Variants in TENT4A observed in about 807,000 individuals in gnomAD.
The protein encoded by TENT4A is DNA polymerase kappa.
TENT4A carries 7 observed loss-of-function variants against 72.8 expected under a neutral mutation model. The ratio of observed to expected loss-of-function variants is 0.10; its 90% CI spans 0.05 to 0.18. The LOEUF (loss-of-function observed/expected upper bound fraction) is 0.18. Ranked by LOEUF, TENT4A falls within the 10% of genes least tolerant of loss-of-function variation. TENT4A has a pLI of 1.00. For missense variants in TENT4A, 831 were observed against 1,017.7 expected (o/e 0.82, Z 2.50); for synonymous variants, 456 against 434.3 (o/e 1.05, Z -0.62).
Position 6,714,480 on chromosome 5 carries a change from A to ACCCCGGGCCGCGCGG in TENT4A, c.503_517dup (p.Gly168_Pro172dup), listed in dbSNP as rs1740258076. On this transcript the variant is annotated inframe_insertion, in exon 1 of 13. Transcript: ENST00000230859. ...AGCGCCCCTGGCACAGCCAACGGGC[A>ACCCCGGGCCGCGCGG]CCCCGGGCCGCGCGGCCCCGCGCCC... The ACCCCGGGCCGCGCGG allele has an allele frequency of 8.5e-7, 1 of 1,179,366 alleles. No homozygotes were observed. Among genetic ancestry groups the ACCCCGGGCCGCGCGG allele is most frequent in the Non-Finnish European group, 1.0e-6 (1 of 955,496 alleles). 73.1% of individuals were successfully genotyped at this position (1,179,366 alleles called of 1,614,324 possible). A position where few individuals can be genotyped will look rare whatever the true frequency, so the allele number is the denominator to read the frequency against.
chr5:6,734,042 A>G (rs937318239), intron 1 of TENT4A, among the ~76,000 whole-genome samples: 2 of 152,248 alleles, frequency 1.3e-5, no homozygotes, highest in Non-Finnish European at 2.9e-5. Flanking sequence ...CAGCAATGAC[A>G]AGGTCAGCAA....
chr5:6,747,409 C>T (rs1016608321), intron 7 of TENT4A, among the ~76,000 whole-genome samples: 17 of 152,024 alleles, frequency 1.1e-4, no homozygotes, highest in African/African-American at 3.9e-4. Flanking sequence ...TTTTTTTATT[C>T]AGCTCCTATA....
chr5:6,747,066 G>T (rs28381398), intron 7 of TENT4A, among the ~76,000 whole-genome samples: 2 of 152,356 alleles, frequency 1.3e-5, no homozygotes, highest in South Asian at 4.1e-4. Flanking sequence ...ATAAAACCAT[G>T]TGTTAACGCT....
chr5:6,733,051 T>G (rs1741288598), intron 1 of TENT4A, among the ~76,000 whole-genome samples: 1 of 152,222 alleles, frequency 6.6e-6, no homozygotes, highest in Non-Finnish European at 1.5e-5. Context: ...GTTGTGTCCT[T>G]TGGCCCCACC....
chr5:6,734,904 T>G (rs184533432), intron 1 of TENT4A, among the ~76,000 whole-genome samples: 4 of 152,344 alleles, frequency 2.6e-5, no homozygotes, highest in Non-Finnish European at 4.4e-5. Flanking sequence ...ATTTTGTGTG[T>G]CTAAGGCAGA....
In TENT4A at chr5:6,719,175, CAAGGT is replaced by C. The variant is rs531363214; in HGVS notation, c.716+4479_716+4483del. Among the ~76,000 whole-genome samples the C allele has an allele frequency of 2.2e-4, 33 of 152,222 alleles. 1 individual carries two copies. The South Asian group carries it at 6.8e-3, about 32-fold the overall frequency. On this transcript the variant is annotated intron_variant, in intron 1 of 12. Transcript: ENST00000230859. ...GTAAAAAGTTCTAAGATTTGTGTCTCAAGGTAAAGTCTCAAACGTTCTTTGGTCAC... is the reference window on the plus strand; with the variant it reads ...GTAAAAAGTTCTAAGATTTGTGTCTCAAAGTCTCAAACGTTCTTTGGTCAC...
intron 1 of TENT4A, among the ~76,000 whole-genome samples, chr5:6,722,254 T>A (rs1038148265): frequency 5.9e-5 from 9 of 152,196 alleles, no homozygotes; most frequent in African/African-American, 1.9e-4. Context: ...CTGTGAGTTG[T>A]CATGCGAGAG....
chr5:6,715,171 T>C (rs1383748606), intron 1 of TENT4A: 1 of 152,276 alleles, frequency 6.6e-6, no homozygotes, highest in Non-Finnish European at 1.5e-5. Context: ...AACTGTCAAC[T>C]TAGAGGTGAT....
At chr5:6,733,074 T>C (rs1741289979) in intron 1 of TENT4A, among the ~76,000 whole-genome samples, 1 of 152,226 alleles carries the variant, frequency 6.6e-6, no homozygotes, top group South Asian at 2.1e-4. Flanking sequence ...AGTTTGTCCG[T>C]TTAGCTCCTC....
At chr5:6,753,997 TG>T (rs1742556700) in intron 12 of TENT4A, among the ~76,000 whole-genome samples, 2 of 152,338 alleles carry the variant, frequency 1.3e-5, no homozygotes, top group Admixed American at 6.5e-5. Context: ...TCAGTCTGCT[TG>T]GCCGCGACTT....
intron 1 of TENT4A, among the ~76,000 whole-genome samples, chr5:6,729,698 C>T (rs1341034492): frequency 2.6e-5 from 4 of 152,216 alleles, no homozygotes; most frequent in African/African-American, 9.6e-5. Flanking sequence ...CTTTCAGAGT[C>T]TGTGGGCCCT....
intron 1 of TENT4A, among the ~76,000 whole-genome samples, chr5:6,732,868 C>A (rs1043540583): frequency 1.3e-5 from 2 of 152,128 alleles, no homozygotes; most frequent in Admixed American, 6.5e-5. Context: ...TTGCTAATGT[C>A]CCAGGATTTC....
Position 6,714,619 on chromosome 5 carries a change from C to T in TENT4A, c.636C>T (p.Ser212=), listed in dbSNP as rs1740264301. The T allele has an allele frequency of 2.5e-6, 3 of 1,198,222 alleles. No homozygotes were observed. The highest frequency in any genetic ancestry group is 4.1e-5 in the South Asian group (1 of 24,100). 74.2% of individuals were successfully genotyped at this position (1,198,222 alleles called of 1,614,324 possible). A position where few individuals can be genotyped will look rare whatever the true frequency, so the allele number is the denominator to read the frequency against. The change falls in exon 1 of 13, where the codon AGC becomes AGT. Residue 212 remains serine, a synonymous_variant. Transcript: ENST00000230859. The part of the protein sequence containing the change: ...LLSGSRAAAL[S]GGGGPGAQAP... ...CCGGCAGCCGCGCGGCCGCTCTCAG[C>T]GGAGGGGGCGGCCCCGGGGCCCAGG... is the stretch of plus-strand genomic sequence containing the variant.
intron 1 of TENT4A, among the ~76,000 whole-genome samples, chr5:6,737,247 A>G (rs1741556713): frequency 6.6e-6 from 1 of 152,260 alleles, no homozygotes; most frequent in Admixed American, 6.5e-5. Flanking sequence ...AGTCACTGAG[A>G]TGATTTTTTT....
chr5:6,733,811 G>C (rs937452007), intron 1 of TENT4A, among the ~76,000 whole-genome samples: 1 of 152,200 alleles, frequency 6.6e-6, no homozygotes, highest in African/African-American at 2.4e-5. Flanking sequence ...GCCTGTGGTC[G>C]GCAGGGCTTA....
At chr5:6,714,744 T>G in intron 1 of TENT4A, 45 bp downstream of exon 1, 1 of 1,111,934 alleles carries the variant, frequency 9.0e-7, no homozygotes, top group Non-Finnish European at 1.1e-6. Flanking sequence ...GGGCCCATGG[T>G]CCTGGCCGGC....
intron 5 of TENT4A, among the ~76,000 whole-genome samples, chr5:6,742,818 G>C (rs1370245335): frequency 1.3e-5 from 2 of 152,206 alleles, no homozygotes; most frequent in Admixed American, 6.5e-5. Context: ...TTATAAAGTT[G>C]ACAATTATTT....
chr5:6,741,850 TGC>T (rs1287363945), intron 4 of TENT4A, among the ~76,000 whole-genome samples: 2 of 152,190 alleles, frequency 1.3e-5, no homozygotes, highest in African/African-American at 4.8e-5. Flanking sequence ...AACAAAACAT[TGC>T]CTTTTCTTCT....
rs1413951412 is a variant in TENT4A at position 6,748,499 on chromosome 5, C to G, written c.1495C>G (p.Gln499Glu). Residue 499 changes from glutamine (Q) to glutamate (E), a missense_variant, in exon 8 of 13, where the codon CAG becomes GAG. By Grantham distance (29) the Gln-to-Glu change is conservative. Around this residue, in one of 3 missense-constraint regions of TENT4A, gnomAD observed 197 missense variants for 399.6 expected, o/e 0.49. Transcript: ENST00000230859. ...DVGRSSYGAM[Q>E]VKQVFDYAYI... ...TGGCCGGAGCTCCTATGGCGCCATG[C>G]AGGTGAAGCAGGTCTTCGATTATGC... The G allele has an allele frequency of 6.2e-7, 1 of 1,614,114 alleles. No homozygotes were observed.
Sources: gnomAD v4.1 joint callset for allele counts (sites outside exome capture counted in the v4.1 genomes callset) on GRCh38, gnomAD v4.1.1 for gene constraint, gnomAD v4.1.1 regional missense constraint, MANE v1.5 for transcripts, NCBI Gene and HGNC (gene_info 2026-07-23, HGNC 2026-07-21) for gene names.